Variants in KCP observed in about 807,000 individuals in gnomAD.
The protein encoded by KCP is kielin/chordin-like protein.
In KCP, 194 loss-of-function variants were observed where a neutral mutation model predicts 212.7. That is an observed-to-expected ratio of 0.91 (90% CI 0.81 to 1.03). KCP has a LOEUF of 1.03. KCP is among the 50% of genes least tolerant of loss of function. The pLI, the probability that KCP is intolerant of heterozygous loss-of-function variation, is 0.00. For missense variants in KCP, 2,080 were observed against 2,162.5 expected, an observed-to-expected ratio of 0.96 and a Z score of 0.76; for synonymous variants, 833 against 865.3, an observed-to-expected ratio of 0.96 and a Z score of 0.65.
chr7:128,892,770 C>T lies in KCP; in HGVS notation c.1445G>A (p.Ser482Asn), dbSNP rs1585226511. 1 of 1,551,660 alleles carries T rather than the reference C, an allele frequency of 6.4e-7. No homozygotes were observed. The highest frequency in any genetic ancestry group is 8.7e-7 in the Non-Finnish European group (1 of 1,146,944). ...ATACACTTGGCTGTGGTAGGTGCAG[C>T]TGTCACAGCTGGGGCAGCAGGCACC... is the stretch of plus-strand genomic sequence containing the variant. ...PPGACCPSCD[S>N]CTYHSQVYAN... is the part of the protein sequence containing the mutation. The change falls in exon 15 of 40, where the codon AGC becomes AAC. Residue 482 changes from serine (S) to asparagine (N), a missense_variant. Ser to Asn is a conservative substitution (Grantham distance 46, BLOSUM62 1). Coordinates refer to ENST00000610776, the MANE Select transcript of KCP (RefSeq NM_001366122.1).
In KCP at chr7:128,882,000, A is replaced by G. The variant is rs1365203602; in HGVS notation, c.3261T>C (p.Cys1087=). ...GCTCAGATCCCAGCAGGCCCTCTGAACAGTTACTCAAGGCCTCTGTGAAGA... is the reference window on the plus strand; with the variant it reads ...GCTCAGATCCCAGCAGGCCCTCTGAGCAGTTACTCAAGGCCTCTGTGAAGA... ...CPTCAEALSN[C]SEGLLGSELA... is the part of the protein sequence containing the mutation. The change falls in exon 30 of 40, where the codon TGT becomes TGC. Residue 1087 remains cysteine (C), a synonymous_variant. Transcript: ENST00000610776. 1 of 1,551,084 alleles carries G rather than the reference A, an allele frequency of 6.4e-7. No homozygotes were observed. Among genetic ancestry groups the G allele is most frequent in the East Asian group, 2.4e-5 (1 of 40,934 alleles).
rs1793338956 is a variant in KCP, at chr7:128,881,614, C to CTGGG, written c.3424+8_3424+11dup. ...TCCTCTCTGAGGGTGGAGGCCAAGG[C>CTGGG]TGGGCACTTACCCCGGCATACGGGG... On this transcript the variant is annotated intron_variant, in intron 31 of 39. Coordinates refer to ENST00000610776, the MANE Select transcript of KCP (RefSeq NM_001366122.1). 2.0e-6 allele frequency: 3 copies of CTGGG among 1,484,958 alleles called. No individual in the cohort carries two copies. Among genetic ancestry groups the CTGGG allele is most frequent in the Middle Eastern group, 1.8e-4 (1 of 5,636 alleles). 92.0% of individuals were successfully genotyped at this position (1,484,958 alleles called of 1,614,324 possible).
chr7:128,908,138 AAAAAG>A lies in KCP; in HGVS notation c.219+283_219+287del, dbSNP rs757330945. Among the ~76,000 whole-genome samples the A allele has an allele frequency of 3.9e-3, 537 of 138,174 alleles. 12 individuals are homozygous for A. Among genetic ancestry groups the A allele is most frequent in the African/African-American group, 0.014 (465 of 33,056 alleles). 90.6% of individuals were successfully genotyped at this position (138,174 alleles called of 152,430 possible). On this transcript the variant is annotated intron_variant, in intron 2 of 39. Transcript: ENST00000610776. ...ATGGTGACTCCATCTCAAAAAAAAA[AAAAAG>A]AAAGAGAGAGAGAGAAAGAGAGAAG...
Position 128,908,544 on chromosome 7 carries a change from G to A in KCP, c.101C>T (p.Pro34Leu), listed in dbSNP as rs1341256539. Residue 34 changes from proline to leucine, a missense_variant, in exon 2 of 40, where the codon CCT becomes CTT. Pro to Leu is a moderately conservative substitution (Grantham distance 98). Transcript: ENST00000610776. ...GGAATGGGCAGTTGTCTGCTGCCCA[G>A]GGGGCTCCCTGGGGACAGCCCCACC... ...AEGGAVPREP[P>L]GQQTTAHSSV... 6.4e-7 allele frequency: 1 copy of A among 1,551,204 alleles called. No homozygotes were observed. Among genetic ancestry groups the A allele is most frequent in the Non-Finnish European group, 8.7e-7 (1 of 1,146,666 alleles).
intron 37 of KCP, 136 bp from the exon 38 acceptor site, chr7:128,878,858 C>G (rs1793149018): frequency 1.1e-6 from 1 of 893,514 alleles, no homozygotes; most frequent in Non-Finnish European, 1.6e-6. Context: ...TGGAGGCTCC[C>G]CTTGGAAGAA....
rs562677669 is a variant in KCP at position 128,881,196 on chromosome 7, C to G, written c.3425-111G>C. ...GAAAGCACCCACTCCGTGTCCCTAC[C>G]ACCCTGATGGTGTTGATTTCTTCAG... On this transcript the variant is annotated intron_variant, in intron 31 of 39. Coordinates refer to ENST00000610776, the MANE Select transcript of KCP (RefSeq NM_001366122.1). 35 of 398,864 alleles carry G rather than the reference C, an allele frequency of 8.8e-5. 1 individual carries two copies. In the East Asian group the frequency reaches 1.2e-3, roughly 13 times the overall value. The allele number at this position is 398,864 out of a possible 1,614,324, so 24.7% of individuals were successfully genotyped here.
rs1269251296 is a variant in KCP at position 128,910,641 on chromosome 7, G to T, written c.36C>A (p.Leu12=). 1.3e-6 allele frequency: 2 copies of T among 1,517,868 alleles called. No individual in the cohort carries two copies. Among genetic ancestry groups the T allele is most frequent in the Non-Finnish European group, 1.8e-6 (2 of 1,139,838 alleles). The allele number at this position is 1,517,868 out of a possible 1,614,324, so 94.0% of individuals were successfully genotyped here. A position where few individuals can be genotyped will look rare whatever the true frequency, so the allele number is the denominator to read the frequency against. The change falls in exon 1 of 40, where the codon CTC becomes CTA. Residue 12 remains leucine, a synonymous_variant. Transcript: ENST00000610776. The stretch of plus-strand genomic sequence containing the variant: ...CCAGCGCCAGGGCCCCGAGGTGCAG[G>T]AGAAGGGACAGCGCAGCGGCCCCGA... The part of the protein sequence containing the change: ...AGVGAAALSL[L]LHLGALALAA...
Position 128,877,172 on chromosome 7 carries a change from G to A in KCP, c.4758C>T (p.Cys1586=). 1 of 1,491,150 alleles carries A rather than the reference G, an allele frequency of 6.7e-7. No homozygotes were observed. Among genetic ancestry groups the A allele is most frequent in the Non-Finnish European group, 8.9e-7 (1 of 1,121,166 alleles). 92.4% of individuals were successfully genotyped at this position (1,491,150 alleles called of 1,614,324 possible). A position where few individuals can be genotyped will look rare whatever the true frequency, so the allele number is the denominator to read the frequency against. The change falls in exon 40 of 40, where the codon TGC becomes TGT. Residue 1586 remains cysteine, a synonymous_variant. Transcript: ENST00000610776. ...CVRPCVPGCQ[C]PAGLVEHEAH... is the part of the protein sequence containing the mutation. ...CCTCATGCTCCACCAGGCCTGCAGG[G>A]CACTGGCAGCCGGGCACGCAGGGCC...
rs544211835 is a variant in KCP at position 128,881,628 on chromosome 7, CGGCATACGG to C, written c.3413_3421del (p.Pro1138_Cys1140del). On this transcript the variant is annotated inframe_deletion, in exon 31 of 40. Coordinates refer to ENST00000610776, the MANE Select transcript of KCP (RefSeq NM_001366122.1). Reference sequence around the variant, plus strand: ...GGAGGCCAAGGCTGGGCACTTACCCCGGCATACGGGGCAGCAGCTCCCAGGGGGAGTGTG... The same window carrying C: ...GGAGGCCAAGGCTGGGCACTTACCCCGGCAGCAGCTCCCAGGGGGAGTGTG... 1.4e-4 allele frequency: 210 copies of C among 1,493,658 alleles called. No individual in the cohort carries two copies. The highest frequency in any genetic ancestry group is 1.8e-4 in the Non-Finnish European group (204 of 1,125,904). 92.5% of individuals were successfully genotyped at this position (1,493,658 alleles called of 1,614,324 possible). A position where few individuals can be genotyped will look rare whatever the true frequency, so the allele number is the denominator to read the frequency against.
chr7:128,899,808 A>G (rs1794731031), intron 8 of KCP, among the ~76,000 whole-genome samples: 1 of 152,164 alleles, frequency 6.6e-6, no homozygotes, highest in Admixed American at 6.5e-5. Flanking sequence ...TATTTTACCA[A>G]GGCTTCGACT....
rs1794082723 is a variant in KCP, at chr7:128,891,007, G to C, written c.2062C>G (p.Arg688Gly). Reference protein sequence around the residue: ...YFSPPGDPCRRCLCLDGSVSC... With the variant: ...YFSPPGDPCRGCLCLDGSVSC... ...ACGGAGCCGTCGAGGCAGAGGCAGC[G>C]GCGGCAGGGATCGCCGGGCGGGGAG... is the stretch of plus-strand genomic sequence containing the variant. The change falls in exon 20 of 40, where the codon CGC (arginine) becomes GGC (glycine). Residue 688 changes from arginine (R) to glycine (G), a missense_variant. Transcript: ENST00000610776. 5 of 1,344,756 alleles carry C rather than the reference G, an allele frequency of 3.7e-6. No individual in the cohort carries two copies. Among genetic ancestry groups the C allele is most frequent in the Non-Finnish European group, 4.7e-6 (5 of 1,053,884 alleles). 83.3% of individuals were successfully genotyped at this position (1,344,756 alleles called of 1,614,324 possible).
intron 8 of KCP, among the ~76,000 whole-genome samples, chr7:128,897,134 G>A (rs1023229425): frequency 1.3e-5 from 2 of 152,230 alleles, no homozygotes; most frequent in African/African-American, 4.8e-5. Flanking sequence ...CTAGTCTTAA[G>A]CTATAGTGAA....
In KCP at chr7:128,886,520, G is replaced by A. The variant is rs774464966; in HGVS notation, c.2810C>T (p.Pro937Leu). The A allele has an allele frequency of 6.4e-6, 10 of 1,550,834 alleles. No individual in the cohort carries two copies. The highest frequency in any genetic ancestry group is 8.7e-6 in the Non-Finnish European group (10 of 1,146,688). ...GGTGACCTGGAGCTTGCAGGGAAGG[G>A]GTGGGCACTGCAGCCGCACACAGCT... ...QVSCVRLQCP[P>L]LPCKLQVTER... Residue 937 changes from proline to leucine, a missense_variant, in exon 26 of 40, where the codon CCC (proline) becomes CTC (leucine). Physicochemically the swap from Pro to Leu is moderately conservative, Grantham distance 98. Transcript: ENST00000610776.
At chr7:128,885,021 G>T (rs936879129) in intron 27 of KCP, 76 bp downstream of exon 27, 3 of 1,532,992 alleles carry the variant, frequency 2.0e-6, no homozygotes, top group Non-Finnish European at 2.7e-6. Flanking sequence ...TCTGCCACCC[G>T]GCCCAGCAGC....
intron 8 of KCP, among the ~76,000 whole-genome samples, chr7:128,900,027 G>A (rs1242116934): frequency 6.6e-6 from 1 of 152,044 alleles, no homozygotes; most frequent in Non-Finnish European, 1.5e-5. Context: ...ACCTCAAAAG[G>A]AGAGGAATTT....
rs769601999 is a variant in KCP, at chr7:128,879,806, C to G, written c.3956G>C (p.Arg1319Pro). ...DFSVHVTNDD[R>P]GRSGVAWTQE... ...GGTCCAGGCCACACCGCTCCGGCCCCGGTCATCATTGGTCACGTGCACACT... is the reference window on the plus strand; with the variant it reads ...GGTCCAGGCCACACCGCTCCGGCCCGGGTCATCATTGGTCACGTGCACACT... Residue 1319 changes from arginine (R) to proline (P), a missense_variant, in exon 36 of 40, where the codon CGG becomes CCG. By Grantham distance (103) the Arg-to-Pro change is moderately radical. Transcript: ENST00000610776. 1.1e-5 allele frequency: 17 copies of G among 1,550,862 alleles called. No individual in the cohort carries two copies. Among genetic ancestry groups the G allele is most frequent in the Non-Finnish European group, 1.4e-5 (16 of 1,146,974 alleles).
intron 21 of KCP, among the ~76,000 whole-genome samples, chr7:128,889,793 A>AGGGGGACT (rs751400430): frequency 6.6e-6 from 1 of 152,166 alleles, no homozygotes; most frequent in East Asian, 1.9e-4. Context: ...GAGGGAAGAC[A>AGGGGGACT]GGGGGACTGG....
At chr7:128,902,337 A>T (rs2128949843) in intron 8 of KCP, among the ~76,000 whole-genome samples, 1 of 152,360 alleles carries the variant, frequency 6.6e-6, no homozygotes, top group Middle Eastern at 3.4e-3. Context: ...ATTTCATAGG[A>T]AGTCTTTGAA....
chr7:128,909,373 TA>T (rs1400090684), intron 1 of KCP, among the ~76,000 whole-genome samples: 2 of 152,074 alleles, frequency 1.3e-5, no homozygotes, highest in Non-Finnish European at 2.9e-5. Context: ...TGGAGTGGCT[TA>T]AAAGGGTTTC....
Sources: gnomAD v4.1 joint callset for allele counts (sites outside exome capture counted in the v4.1 genomes callset) on GRCh38, gnomAD v4.1.1 for gene constraint, MANE v1.5 for transcripts, NCBI Gene and HGNC (gene_info 2026-07-23, HGNC 2026-07-21) for gene names.